Variants in WWC1 observed in about 807,000 individuals in gnomAD.
WWC1 encodes the protein protein KIBRA.
In WWC1, 55 loss-of-function variants were observed where a neutral mutation model predicts 138.4. That is an observed-to-expected ratio of 0.40 (90% CI 0.32 to 0.50). The LOEUF (loss-of-function observed/expected upper bound fraction) is 0.50. Ranked by LOEUF, WWC1 falls within the 20% of genes least tolerant of loss-of-function variation. The pLI is 0.72. For synonymous variants in WWC1, 524 were observed against 564.9 expected (o/e 0.93, Z 1.03); for missense variants, 1,226 against 1,420.4 (o/e 0.86, Z 2.20).
At chr5:168,465,885 C>T (rs1163924849) in intron 21 of WWC1, among the ~76,000 whole-genome samples, 1 of 152,110 alleles carries the variant, frequency 6.6e-6, no homozygotes, top group Admixed American at 6.5e-5. Context: ...GGTTTGCATG[C>T]AGGGGAAGTC....
chr5:168,308,664 G>T (rs1731347377), intron 1 of WWC1, among the ~76,000 whole-genome samples: 1 of 152,142 alleles, frequency 6.6e-6, no homozygotes, highest in Non-Finnish European at 1.5e-5. Context: ...TCTGGAGGTG[G>T]AACCCAGACT....
At chr5:168,351,177 C>A (rs1462261442) in intron 1 of WWC1, among the ~76,000 whole-genome samples, 1 of 151,850 alleles carries the variant, frequency 6.6e-6, no homozygotes, top group East Asian at 1.9e-4. Flanking sequence ...GCTAGATAGC[C>A]CATGGGAAGG....
At chr5:168,360,274 G>A (rs111467888) in intron 1 of WWC1, among the ~76,000 whole-genome samples, 3 of 152,190 alleles carry the variant, frequency 2.0e-5, no homozygotes, top group African/African-American at 7.2e-5. Flanking sequence ...GTTTAAAAAT[G>A]TGCATCTTTT....
At chr5:168,400,135 G>A (rs143964403) in intron 5 of WWC1, among the ~76,000 whole-genome samples, 1 of 152,260 alleles carries the variant, frequency 6.6e-6, no homozygotes, top group East Asian at 1.9e-4. Context: ...AAGCTGAGCT[G>A]TGGCCAGGTA....
At chr5:168,410,030 A>C (rs748253025) in intron 8 of WWC1, 35 bp downstream of exon 8, 1 of 1,598,696 alleles carries the variant, frequency 6.3e-7, no homozygotes. Flanking sequence ...GGATGGTTCC[A>C]AAAATAATAA....
At chr5:168,325,964 C>T (rs1375220442) in intron 1 of WWC1, among the ~76,000 whole-genome samples, 1 of 152,148 alleles carries the variant, frequency 6.6e-6, no homozygotes, top group Non-Finnish European at 1.5e-5. Flanking sequence ...AAGACTCATC[C>T]ATGTTGTAGA....
chr5:168,447,832 C>T (rs1053315678), intron 17 of WWC1, among the ~76,000 whole-genome samples: 1 of 151,556 alleles, frequency 6.6e-6, no homozygotes, highest in Admixed American at 6.6e-5. Flanking sequence ...GACCCCTGGC[C>T]ATCTCCCTCT....
At chr5:168,433,906 A>G (rs1208016876) in intron 15 of WWC1, among the ~76,000 whole-genome samples, 1 of 152,238 alleles carries the variant, frequency 6.6e-6, no homozygotes, top group Admixed American at 6.5e-5. Context: ...AAACTGAGGC[A>G]CAAAGAGGTG....
chr5:168,428,949 T>C (rs1041991606), intron 13 of WWC1, among the ~76,000 whole-genome samples, 162 bp downstream of exon 13: 3 of 152,158 alleles, frequency 2.0e-5, no homozygotes, highest in African/African-American at 4.8e-5. Flanking sequence ...GGATGCTGAT[T>C]CGTTCCTCAC....
At chr5:168,443,861 G>A (rs974072048) in intron 16 of WWC1, among the ~76,000 whole-genome samples, 11 of 152,178 alleles carry the variant, frequency 7.2e-5, no homozygotes, top group African/African-American at 2.7e-4. Flanking sequence ...ACCATTTACT[G>A]GGTGCCAATT....
intron 15 of WWC1, among the ~76,000 whole-genome samples, chr5:168,441,303 T>C (rs1182383100): frequency 1.3e-5 from 2 of 151,874 alleles, no homozygotes; most frequent in Non-Finnish European, 2.9e-5. Flanking sequence ...AAGTGTAGAG[T>C]TTCAGATTTG....
chr5:168,453,923 C>T (rs1756060468), intron 17 of WWC1, 45 bp from the exon 18 acceptor site: 2 of 1,608,452 alleles, frequency 1.2e-6, no homozygotes, highest in Non-Finnish European at 1.7e-6. Context: ...TGAACAGAGG[C>T]AGAGCGGCTT....
At chr5:168,396,449 G>C (rs573203554) in intron 3 of WWC1, among the ~76,000 whole-genome samples, 2 of 152,174 alleles carry the variant, frequency 1.3e-5, no homozygotes, top group African/African-American at 4.8e-5. Context: ...CATGTGAACA[G>C]GAAAGAGTGT....
Position 168,414,332 on chromosome 5 carries a change from C to T in WWC1, c.942-16C>T, listed in dbSNP as rs1780432650. The T allele has an allele frequency of 6.2e-7, 1 of 1,612,150 alleles. No homozygotes were observed. Among genetic ancestry groups the T allele is most frequent in the Non-Finnish European group, 8.5e-7 (1 of 1,179,442 alleles). ...CCATTAGGCACACCAGTCATGCTTG[C>T]TTTCTTGGCCCCCAGGATCGCCAAC... On this transcript the variant is annotated splice_polypyrimidine_tract_variant and intron_variant, in intron 8 of 22. Transcript: ENST00000265293.
intron 1 of WWC1, among the ~76,000 whole-genome samples, chr5:168,366,627 G>A (rs1017501624): frequency 6.6e-6 from 1 of 152,002 alleles, no homozygotes; most frequent in African/African-American, 2.4e-5. Flanking sequence ...TGCTTGGAGC[G>A]AATAAATGTA....
At chr5:168,414,315 C>T (rs1280813453) in intron 8 of WWC1, 33 bp from the exon 9 acceptor site, 1 of 1,608,890 alleles carries the variant, frequency 6.2e-7, no homozygotes, top group Admixed American at 1.7e-5. Context: ...TGCCATTAGG[C>T]ACACCAGTCA....
chr5:168,460,528 T>C, intron 19 of WWC1, 122 bp from the exon 20 acceptor site: 1 of 811,446 alleles, frequency 1.2e-6, no homozygotes, highest in South Asian at 1.7e-5. Context: ...GAAACCTGGG[T>C]GTTTGCAGAA....
chr5:168,406,204 T>A lies in WWC1; in HGVS notation c.597T>A (p.Asp199Glu). 6.2e-7 allele frequency: 1 copy of A among 1,613,780 alleles called. No homozygotes were observed. The highest frequency in any genetic ancestry group is 8.5e-7 in the Non-Finnish European group (1 of 1,179,806). ...ERGFQTLKKI[D>E]KKMSDAQGSY... ...CCCATTAACTGTCTCCTAGAATCGATAAGAAAATGTCTGATGCTCAGGGCA... is the reference window on the plus strand; with the variant it reads ...CCCATTAACTGTCTCCTAGAATCGAAAAGAAAATGTCTGATGCTCAGGGCA... The change falls in exon 6 of 23, where the codon GAT (aspartate) becomes GAA (glutamate). Residue 199 changes from aspartate (D) to glutamate (E), a missense_variant. Coordinates refer to ENST00000265293, the MANE Select transcript of WWC1 (RefSeq NM_015238.3).
In WWC1 at chr5:168,324,347, C is replaced by T. The variant is rs186597744; in HGVS notation, c.119+32076C>T. ...ACTCAGGAGGCCGAGGCAGGAGAAT[C>T]GCTTGAACCTAGGAGGCAGAGGTTG... On this transcript the variant is annotated intron_variant, in intron 1 of 22. Transcript: ENST00000265293. Among the ~76,000 whole-genome samples the T allele has an allele frequency of 2.8e-3, 422 of 152,180 alleles. 2 individuals are homozygous for T. Among genetic ancestry groups the T allele is most frequent in the Admixed American group, 8.0e-3 (123 of 15,288 alleles).
Sources: allele counts gnomAD v4.1 joint callset (sites outside exome capture counted in the v4.1 genomes callset), GRCh38; gene constraint gnomAD v4.1.1; transcripts MANE v1.5; gene names NCBI Gene and HGNC (gene_info 2026-07-23, HGNC 2026-07-21).